SLC28A1: variants seen among roughly 807,000 people sequenced by gnomAD.
The protein encoded by SLC28A1 is solute carrier family 28 member 1.
Under a neutral mutation model 74.8 loss-of-function variants are expected in SLC28A1, and 64 were observed. The ratio of observed to expected loss-of-function variants is 0.86; its 90% CI spans 0.70 to 1.05. SLC28A1 has a LOEUF of 1.05. Ranked by LOEUF, SLC28A1 falls within the 50% of genes least tolerant of loss-of-function variation. The probability of loss-of-function intolerance (pLI) is 0.00; values close to 1 mark genes in which losing one functional copy is unlikely to be tolerated. For missense variants in SLC28A1, 828 were observed against 822.8 expected, an observed-to-expected ratio of 1.01 and a Z score of -0.08; for synonymous variants, 359 against 335.0, an observed-to-expected ratio of 1.07 and a Z score of -0.78.
chr15:84,904,025 C>T (rs1035252383), intron 6 of SLC28A1, 72 bp from the exon 7 acceptor site: 25 of 1,599,320 alleles, frequency 1.6e-5, no homozygotes, highest in Admixed American at 6.7e-5. Context: ...TCTGGGTCCC[C>T]GGGTGCTATT....
At position 84,918,078 on chromosome 15, in the gene SLC28A1, C is replaced by G. The variant is rs550237614; in HGVS notation, c.796-446C>G. ...TGATGAGGGTCCCCTCATTCAGGCC[C>G]AAAGCATGAGAGGGAGGTTAAGGCC... On this transcript the variant is annotated intron_variant, in intron 9 of 18. Transcript: ENST00000394573. Among the ~76,000 whole-genome samples, 128 of 152,126 alleles carry G rather than the reference C, an allele frequency of 8.4e-4. 1 individual carries two copies. In the South Asian group the frequency reaches 0.027, roughly 32 times the overall value.
At chr15:84,950,198 A>G (rs1481320909), downstream of SLC28A1, among the ~76,000 whole-genome samples, 1 of 152,186 alleles carries the variant, frequency 6.6e-6, no homozygotes, top group East Asian at 1.9e-4. Flanking sequence ...CTAATGAGGA[A>G]GGAAAGGCAG....
At chr15:84,898,696 C>G (rs1230174844) in intron 6 of SLC28A1, among the ~76,000 whole-genome samples, 2 of 152,022 alleles carry the variant, frequency 1.3e-5, no homozygotes, top group Non-Finnish European at 2.9e-5. Context: ...ATACATGAGA[C>G]AAGAGCTCTT....
At chr15:84,910,600 T>C (rs113120479) in intron 9 of SLC28A1, among the ~76,000 whole-genome samples, 3,407 of 152,162 alleles carry the variant, frequency 0.022, 42 homozygotes, top group Non-Finnish European at 0.036. Context: ...TGGTGGTGCA[T>C]GCCTGTAATC....
intron 6 of SLC28A1, among the ~76,000 whole-genome samples, chr15:84,898,167 C>G (rs915253121): frequency 1.3e-5 from 2 of 151,130 alleles, no homozygotes; most frequent in African/African-American, 4.9e-5. Flanking sequence ...AGTGGAATTA[C>G]CGAATCATAT....
At chr15:84,902,712 A>G (rs7177644) in intron 6 of SLC28A1, among the ~76,000 whole-genome samples, 31,115 of 150,562 alleles carry the variant, frequency 0.21, 3,787 homozygotes, top group South Asian at 0.46. Context: ...AAAATAAAAA[A>G]TCTGAGACAA....
rs200341582 is a variant in SLC28A1, at chr15:84,905,592, C to G, written c.657C>G (p.Leu219=). The change falls in exon 8 of 19, where the codon CTC becomes CTG. Residue 219 remains leucine, a synonymous_variant. Transcript: ENST00000394573. Reference sequence around the variant, plus strand: ...TTGGACTGCAGTTTGTACTTGGACTCCTCGTCATCAGAACAGAACCAGGAT... The same window carrying G: ...TTGGACTGCAGTTTGTACTTGGACTGCTCGTCATCAGAACAGAACCAGGAT... ...WGLGLQFVLG[L]LVIRTEPGFI... 1.2e-6 allele frequency: 2 copies of G among 1,614,196 alleles called. No homozygotes were observed. The highest frequency in any genetic ancestry group is 1.7e-6 in the Non-Finnish European group (2 of 1,180,016).
intron 15 of SLC28A1, among the ~76,000 whole-genome samples, chr15:84,940,265 G>A (rs1467299699): frequency 6.6e-6 from 1 of 152,122 alleles, no homozygotes; most frequent in African/African-American, 2.4e-5. Flanking sequence ...AAATTTCCAT[G>A]CCAATTTATA....
chr15:84,889,719 T>A (rs1965101127), intron 4 of SLC28A1, among the ~76,000 whole-genome samples: 1 of 63,500 alleles, frequency 1.6e-5, no homozygotes, highest in Non-Finnish European at 4.0e-5. Context: ...TTTCCTTCCT[T>A]CCTTCCTTCC....
rs534335581 is a variant in SLC28A1 at position 84,887,866 on chromosome 15, C to T, written c.96+10C>T. 2.7e-5 allele frequency: 43 copies of T among 1,594,968 alleles called. No individual in the cohort carries two copies. In the South Asian group the frequency reaches 3.6e-4, roughly 13 times the overall value. ...TTTCTTGGAAAGCCTGGTCTGTACC[C>T]TTCCCCATCAGTCATCCTGACCCCT... On this transcript the variant is annotated intron_variant, in intron 3 of 18. Transcript: ENST00000394573.
At chr15:84,915,029 C>G (rs1047848245) in intron 9 of SLC28A1, among the ~76,000 whole-genome samples, 1 of 152,146 alleles carries the variant, frequency 6.6e-6, no homozygotes, top group Non-Finnish European at 1.5e-5. Flanking sequence ...TGGCGTGGGC[C>G]CATCCCTGCA....
downstream of SLC28A1, among the ~76,000 whole-genome samples, chr15:84,946,083 T>TATATATACATATA (rs1321419859): frequency 2.8e-5 from 1 of 36,224 alleles, no homozygotes; most frequent in Non-Finnish European, 4.8e-5. Context: ...TGTGTGTATG[T>TATATATACATATA]TCATATATAT....
intron 9 of SLC28A1, 83 bp from the exon 10 acceptor site, chr15:84,918,441 T>A: frequency 1.0e-6 from 1 of 980,328 alleles, no homozygotes. Flanking sequence ...TGGAGTGGGC[T>A]GTCTGGGGTC....
downstream of SLC28A1, among the ~76,000 whole-genome samples, chr15:84,946,710 G>A (rs901827519): frequency 1.3e-5 from 2 of 152,116 alleles, no homozygotes; most frequent in South Asian, 2.1e-4. Flanking sequence ...TGGGTGGCCC[G>A]CCCTCACCTC....
At chr15:84,925,599 C>CA (rs1567168370) in intron 12 of SLC28A1, among the ~76,000 whole-genome samples, 1 of 151,810 alleles carries the variant, frequency 6.6e-6, no homozygotes. Flanking sequence ...GACTGTGTTT[C>CA]AAAAAAAGAA....
the SLC28A1 span, among the ~76,000 whole-genome samples, chr15:84,973,238 T>C: frequency 1.3e-5 from 2 of 152,186 alleles, no homozygotes; most frequent in African/African-American, 4.8e-5. Context: ...CTTTCCCCTA[T>C]TTTTTAATCT....
intron 12 of SLC28A1, among the ~76,000 whole-genome samples, chr15:84,932,747 G>C (rs1971467126): frequency 6.6e-6 from 1 of 152,180 alleles, no homozygotes; most frequent in Non-Finnish European, 1.5e-5. Context: ...CAGCTAACGG[G>C]GATTAGTGGT....
intron 12 of SLC28A1, among the ~76,000 whole-genome samples, chr15:84,929,323 T>A (rs1971010753): frequency 6.6e-6 from 1 of 152,000 alleles, no homozygotes; most frequent in Non-Finnish European, 1.5e-5. Context: ...GGCGGGTGGA[T>A]CACCTGAGGT....
chr15:84,960,024 A>G, the SLC28A1 span, among the ~76,000 whole-genome samples: 77 of 152,200 alleles, frequency 5.1e-4, no homozygotes, highest in African/African-American at 1.9e-3. Context: ...CAGTACCTAT[A>G]AATCTATTTT....
Sources: gnomAD v4.1 joint callset for allele counts (sites outside exome capture counted in the v4.1 genomes callset) on GRCh38, gnomAD v4.1.1 for gene constraint, MANE v1.5 for transcripts, NCBI Gene and HGNC (gene_info 2026-07-23, HGNC 2026-07-21) for gene names.